The following PCDHGA1 variants were observed in gnomAD, a reference collection of about 807,000 sequenced individuals.
PCDHGA1 encodes the protein protocadherin gamma subfamily A, 1.
Under a neutral mutation model 58.0 loss-of-function variants are expected in PCDHGA1, and 32 were observed. The ratio of observed to expected loss-of-function variants is 0.55; its 90% CI spans 0.42 to 0.74. The LOEUF (loss-of-function observed/expected upper bound fraction) is 0.74, where lower values mean the gene tolerates loss of function less well. Among genes scored for constraint, PCDHGA1 ranks in the 30% least tolerant of loss-of-function variants. PCDHGA1 has a pLI of 0.00. For synonymous variants in PCDHGA1, 498 were observed against 501.1 expected (o/e 0.99, Z 0.08); for missense variants, 1,205 against 1,182.3 (o/e 1.02, Z -0.28).
chr5:141,439,625 CCA>C (rs1281773200), intron 1 of PCDHGA1, among the ~76,000 whole-genome samples: 1 of 152,150 alleles, frequency 6.6e-6, no homozygotes, highest in African/African-American at 2.4e-5. Flanking sequence ...GAGCCAATCC[CCA>C]GACATTCCGG....
chr5:141,429,169 T>TACACACACACACACAC (rs10667977), intron 1 of PCDHGA1: 2 of 145,394 alleles, frequency 1.4e-5, no homozygotes, highest in East Asian at 2.0e-4. Flanking sequence ...ACATTGTTTA[T>TACACACACACACACAC]ACACACACAC....
intron 2 of PCDHGA1, among the ~76,000 whole-genome samples, chr5:141,499,879 G>C (rs1470090790): frequency 9.2e-5 from 14 of 151,952 alleles, no homozygotes. Flanking sequence ...GTACAAACAG[G>C]GTTTCGCCAT....
intron 1 of PCDHGA1, chr5:141,341,390 T>C: frequency 6.2e-7 from 1 of 1,614,212 alleles, no homozygotes; most frequent in Non-Finnish European, 8.5e-7. Context: ...AGAAACGTTT[T>C]CTCAGGTAAT....
Position 141,491,756 on chromosome 5 carries a change from C to T in PCDHGA1, c.2422-3051C>T. The T allele has an allele frequency of 1.3e-6, 2 of 1,581,720 alleles. No individual in the cohort carries two copies. Among genetic ancestry groups the T allele is most frequent in the Non-Finnish European group, 8.6e-7 (1 of 1,165,100 alleles). ...CCTGGGGGCGGCACTGGAGAAGCCG[C>T]CCGTCCTCATAAGGGATTGAACTTG... On this transcript the variant is annotated intron_variant, in intron 1 of 3. Coordinates refer to ENST00000517417, the MANE Select transcript of PCDHGA1 (RefSeq NM_018912.3). This position sits in a 1 kb window ranked among gnomAD's most constrained non-coding sequence, Gnocchi z 6.9.
At chr5:141,381,441 G>A (rs1777194515) in intron 1 of PCDHGA1, among the ~76,000 whole-genome samples, 1 of 152,202 alleles carries the variant, frequency 6.6e-6, no homozygotes, top group Admixed American at 6.5e-5. Flanking sequence ...ATCCTGTCAG[G>A]ACAGTCCTGC....
chr5:141,378,077 T>A (rs955421264), intron 1 of PCDHGA1: 1 of 152,136 alleles, frequency 6.6e-6, no homozygotes, highest in Non-Finnish European at 1.5e-5. Flanking sequence ...AGAAAATAAT[T>A]TTATAACTTT....
intron 1 of PCDHGA1, chr5:141,384,446 C>T (rs781605513): frequency 5.6e-6 from 9 of 1,614,034 alleles, no homozygotes; most frequent in South Asian, 4.4e-5. Context: ...GTCCTGTACG[C>T]GCTGCAATCC....
chr5:141,422,833 C>T, intron 1 of PCDHGA1: 2 of 1,614,224 alleles, frequency 1.2e-6, no homozygotes, highest in East Asian at 2.2e-5. Context: ...AGTGATAGCA[C>T]GTGACAGCGG....
At chr5:141,395,121 T>C (rs773964445) in intron 1 of PCDHGA1, 1 of 1,614,192 alleles carries the variant, frequency 6.2e-7, no homozygotes, top group East Asian at 2.2e-5. Flanking sequence ...TCACCTGATC[T>C]TTCCCCAGCC....
intron 1 of PCDHGA1, among the ~76,000 whole-genome samples, chr5:141,446,698 G>C (rs750413432): frequency 1.3e-5 from 2 of 152,070 alleles, no homozygotes; most frequent in African/African-American, 4.8e-5. Flanking sequence ...GGCTGGTCTC[G>C]AACTCTGATC....
At position 141,493,323 on chromosome 5, in the gene PCDHGA1, C is replaced by T. The variant is rs542332335; in HGVS notation, c.2422-1484C>T. Among the ~76,000 whole-genome samples the T allele has an allele frequency of 6.6e-6, 1 of 152,294 alleles. No homozygotes were observed. The highest frequency in any genetic ancestry group is 6.5e-5 in the Admixed American group (1 of 15,300). On this transcript the variant is annotated intron_variant, in intron 1 of 3. Transcript: ENST00000517417. The surrounding 1 kb of genome is among the most constrained non-coding windows in gnomAD (Gnocchi z 4.3). ...AGAGCAAGTAAGAGAGATTCTAACC[C>T]CTGTCTAACTCCAGAATGTGTGCTT...
At chr5:141,346,446 A>T in intron 1 of PCDHGA1, 1 of 1,614,264 alleles carries the variant, frequency 6.2e-7, no homozygotes, top group Non-Finnish European at 8.5e-7. Flanking sequence ...AGGAGATTCC[A>T]ACCTACTTCA....
chr5:141,383,352 G>T lies in PCDHGA1; in HGVS notation c.2421+50247G>T, dbSNP rs115561507. On this transcript the variant is annotated intron_variant, in intron 1 of 3. Coordinates refer to ENST00000517417, the MANE Select transcript of PCDHGA1 (RefSeq NM_018912.3). ...TGGAGAATACAGCTCCTGGGGTTCG[G>T]TTTCCGTTAAGCGAGGCTGGGGATC... The T allele has an allele frequency of 9.3e-4, 1,504 of 1,614,018 alleles. 9 individuals carry two copies. In the African/African-American group the frequency reaches 0.016, roughly 17 times the overall value.
At chr5:141,446,942 G>C (rs1252429052) in intron 1 of PCDHGA1, among the ~76,000 whole-genome samples, 1 of 152,058 alleles carries the variant, frequency 6.6e-6, no homozygotes, top group Non-Finnish European at 1.5e-5. Flanking sequence ...TTCACTGTAA[G>C]AAACATCCAG....
At chr5:141,351,812 C>A (rs572024020) in intron 1 of PCDHGA1, 1 of 1,613,306 alleles carries the variant, frequency 6.2e-7, no homozygotes, top group South Asian at 1.1e-5. Flanking sequence ...CGCCTTCGAC[C>A]ACGAGCAGCT....
At chr5:141,407,703 G>T (rs1016806853) in intron 1 of PCDHGA1, among the ~76,000 whole-genome samples, 1 of 152,096 alleles carries the variant, frequency 6.6e-6, no homozygotes, top group Admixed American at 6.6e-5. Context: ...ATTGTTGAAG[G>T]TGGGGTGATG....
At chr5:141,395,620 CAAG>C (rs1298520628) in intron 1 of PCDHGA1, 1 of 189,326 alleles carries the variant, frequency 5.3e-6, no homozygotes, top group Non-Finnish European at 1.1e-5. Flanking sequence ...AGAAAATTAT[CAAG>C]AAGTCTAAAG....
intron 1 of PCDHGA1, among the ~76,000 whole-genome samples, chr5:141,362,788 C>T (rs1395369967): frequency 6.6e-6 from 1 of 152,198 alleles, no homozygotes; most frequent in East Asian, 1.9e-4. Flanking sequence ...ATTTCTTTTT[C>T]TTCCTCATCT....
chr5:141,424,616 T>C (rs1487572877), intron 1 of PCDHGA1: 1 of 152,152 alleles, frequency 6.6e-6, no homozygotes, highest in Non-Finnish European at 1.5e-5. Flanking sequence ...TCAAATAGAG[T>C]AGTTTGTGAA....
Sources: allele counts gnomAD v4.1 joint callset (sites outside exome capture counted in the v4.1 genomes callset), GRCh38; gene constraint gnomAD v4.1.1; non-coding constraint Gnocchi (gnomAD v3.1); transcripts MANE v1.5; gene names NCBI Gene and HGNC (gene_info 2026-07-23, HGNC 2026-07-21).